Variants in MAP4K3 observed in about 807,000 individuals in gnomAD.
MAP4K3 encodes MAPK/ERK kinase kinase kinase 3.
Under a neutral mutation model 143.5 loss-of-function variants are expected in MAP4K3, and 94 were observed. The observed-to-expected ratio is 0.65, with a 90% CI of 0.55 to 0.78. The LOEUF is 0.78. MAP4K3 is among the 30% of genes least tolerant of loss of function. The pLI is 0.00. For missense variants in MAP4K3, 1,077 were observed against 1,068.1 expected, an observed-to-expected ratio of 1.01 and a Z score of -0.12; for synonymous variants, 416 against 347.2, an observed-to-expected ratio of 1.20 and a Z score of -2.20.
chr2:39,407,293 CTAAG>C (rs1199120126), intron 1 of MAP4K3, among the ~76,000 whole-genome samples: 4 of 151,798 alleles, frequency 2.6e-5, no homozygotes, highest in Admixed American at 6.6e-5. Flanking sequence ...TAGTATCTTC[CTAAG>C]AGCAGGAACA....
At chr2:39,389,776 GT>G (rs1335965714) in intron 1 of MAP4K3, among the ~76,000 whole-genome samples, 2 of 152,182 alleles carry the variant, frequency 1.3e-5, no homozygotes, top group Non-Finnish European at 2.9e-5. Flanking sequence ...TCTAAAGGAT[GT>G]ATTTCAGGAT....
chr2:39,285,935 G>A (rs1373573153), intron 21 of MAP4K3, among the ~76,000 whole-genome samples: 2 of 152,120 alleles, frequency 1.3e-5, no homozygotes, highest in African/African-American at 2.4e-5. Context: ...GATCCCTGAT[G>A]AATAACATTT....
intron 19 of MAP4K3, among the ~76,000 whole-genome samples, chr2:39,288,645 A>G (rs2148475207): frequency 6.6e-6 from 1 of 152,334 alleles, no homozygotes; most frequent in East Asian, 1.9e-4. Context: ...TATTCAGACT[A>G]GTCAAAGTTC....
chr2:39,368,680 GA>G (rs370294804), intron 2 of MAP4K3, among the ~76,000 whole-genome samples: 11 of 144,344 alleles, frequency 7.6e-5, no homozygotes, highest in African/African-American at 2.5e-4. Context: ...AAAAGAAAAA[GA>G]AAAAAAAAAT....
chr2:39,287,729 G>A (rs993009646), intron 20 of MAP4K3, among the ~76,000 whole-genome samples: 4 of 152,064 alleles, frequency 2.6e-5, no homozygotes, highest in African/African-American at 9.7e-5. Flanking sequence ...TATTTTTTTA[G>A]AAATGATTAA....
intron 3 of MAP4K3, among the ~76,000 whole-genome samples, chr2:39,346,480 G>C (rs1199156083): frequency 6.6e-6 from 1 of 152,062 alleles, no homozygotes; most frequent in African/African-American, 2.4e-5. Flanking sequence ...TGTCTTATTA[G>C]CTCTCCCAGC....
chr2:39,394,862 C>T (rs192301645), intron 1 of MAP4K3, among the ~76,000 whole-genome samples: 1 of 152,212 alleles, frequency 6.6e-6, no homozygotes, highest in Non-Finnish European at 1.5e-5. Context: ...CTATATCCTC[C>T]TCCCAAAGTT....
At chr2:39,333,440 G>T (rs1363442793) in intron 7 of MAP4K3, 92 bp downstream of exon 7, 1 of 939,570 alleles carries the variant, frequency 1.1e-6, no homozygotes. Flanking sequence ...GCCGTCTTAG[G>T]AGAGGGAAAA....
intron 1 of MAP4K3, among the ~76,000 whole-genome samples, chr2:39,428,677 T>A (rs1447964473): frequency 6.7e-6 from 1 of 150,028 alleles, no homozygotes; most frequent in Non-Finnish European, 1.5e-5. Flanking sequence ...AGCAAAACTC[T>A]GCCTCAAAAA....
rs528042374 is a variant in MAP4K3, at chr2:39,394,549, A to G, written c.97-16426T>C. Among the ~76,000 whole-genome samples, 154 of 152,318 alleles carry G rather than the reference A, an allele frequency of 1.0e-3. 1 individual carries two copies. Among genetic ancestry groups the G allele is most frequent in the African/African-American group, 3.3e-3 (139 of 41,568 alleles). ...GTGCTTTTAATCCAGAGGTGTCTAG[A>G]ACAGTCCTCAAAGGAAGGGGTGATA... On this transcript the variant is annotated intron_variant, in intron 1 of 33. Coordinates refer to ENST00000263881, the MANE Select transcript of MAP4K3 (RefSeq NM_003618.4).
At chr2:39,388,491 T>C (rs978754992) in intron 1 of MAP4K3, among the ~76,000 whole-genome samples, 1 of 152,232 alleles carries the variant, frequency 6.6e-6, no homozygotes, top group Admixed American at 6.5e-5. Context: ...GCTCAAGCCA[T>C]GGCCTTAGAT....
chr2:39,286,361 A>G (rs1385127895), intron 21 of MAP4K3, among the ~76,000 whole-genome samples: 4 of 152,198 alleles, frequency 2.6e-5, no homozygotes, highest in Admixed American at 2.6e-4. Flanking sequence ...CCTGGTTCCT[A>G]ACAGGCCACT....
chr2:39,285,583 A>G (rs1402198808), intron 21 of MAP4K3, among the ~76,000 whole-genome samples: 1 of 152,206 alleles, frequency 6.6e-6, no homozygotes, highest in East Asian at 1.9e-4. Context: ...CAAATACTTT[A>G]TGTGAATTTT....
chr2:39,292,723 C>T (rs772333556), intron 18 of MAP4K3, 50 bp downstream of exon 18: 107 of 1,435,902 alleles, frequency 7.5e-5, no homozygotes, highest in Non-Finnish European at 1.0e-4. Flanking sequence ...TTGATGAAAT[C>T]AGGTCAAATG....
intron 1 of MAP4K3, among the ~76,000 whole-genome samples, chr2:39,397,557 A>G (rs1444268731): frequency 1.3e-5 from 2 of 152,214 alleles, no homozygotes; most frequent in East Asian, 3.8e-4. Flanking sequence ...AAGATATTAA[A>G]ATTCATACAA....
At chr2:39,362,458 A>G (rs1169950594) in intron 2 of MAP4K3, among the ~76,000 whole-genome samples, 1 of 152,236 alleles carries the variant, frequency 6.6e-6, no homozygotes, top group Non-Finnish European at 1.5e-5. Context: ...TTAAGAAAAT[A>G]ATCCCAATTG....
chr2:39,324,019 A>AC (rs1339581517), intron 12 of MAP4K3, among the ~76,000 whole-genome samples: 1 of 152,178 alleles, frequency 6.6e-6, no homozygotes, highest in African/African-American at 2.4e-5. Flanking sequence ...GTCCCATACT[A>AC]CCATGCACAT....
At chr2:39,294,020 A>G (rs1682165500) in intron 16 of MAP4K3, 1 of 152,206 alleles carries the variant, frequency 6.6e-6, no homozygotes, top group Non-Finnish European at 1.5e-5. Context: ...TTTTTACCGC[A>G]AGTTCATGCA....
At chr2:39,293,317 G>A (rs558806724) in intron 16 of MAP4K3, 49 bp from the exon 17 acceptor site, 76 of 1,115,188 alleles carry the variant, frequency 6.8e-5, no homozygotes, top group Non-Finnish European at 9.6e-5. Flanking sequence ...AATTATCAAA[G>A]GAATATCGAA....
Sources: gnomAD v4.1 joint callset for allele counts (sites outside exome capture counted in the v4.1 genomes callset) on GRCh38, gnomAD v4.1.1 for gene constraint, MANE v1.5 for transcripts, NCBI Gene and HGNC (gene_info 2026-07-23, HGNC 2026-07-21) for gene names.